The following NCKAP5 variants were observed in gnomAD, a reference collection of about 807,000 sequenced individuals.
The protein encoded by NCKAP5 is NCK associated protein 5.
In NCKAP5, 92 loss-of-function variants were observed where a neutral mutation model predicts 167.0. The ratio of observed to expected loss-of-function variants is 0.55; its 90% CI spans 0.47 to 0.66. The LOEUF (loss-of-function observed/expected upper bound fraction) is 0.66. Ranked by LOEUF, NCKAP5 falls within the 30% of genes least tolerant of loss-of-function variation. The pLI is 0.00. For synonymous variants in NCKAP5, 891 were observed against 877.4 expected, an observed-to-expected ratio of 1.02 and a Z score of -0.27; for missense variants, 2,378 against 2,315.0, an observed-to-expected ratio of 1.03 and a Z score of -0.56.
chr2:133,006,326 C>T (rs1007465022), intron 6 of NCKAP5, among the ~76,000 whole-genome samples: 2 of 152,084 alleles, frequency 1.3e-5, no homozygotes, highest in African/African-American at 2.4e-5. Flanking sequence ...TAATATGCAC[C>T]ATGCTTTTAA....
intron 4 of NCKAP5, among the ~76,000 whole-genome samples, chr2:133,255,825 A>C (rs2088588320): frequency 6.6e-6 from 1 of 152,232 alleles, no homozygotes; most frequent in Non-Finnish European, 1.5e-5. Flanking sequence ...CTAGGATCAG[A>C]ATGGGTATAC....
At chr2:133,553,110 GATAAA>G (rs1239831808) in intron 2 of NCKAP5, among the ~76,000 whole-genome samples, 2 of 152,032 alleles carry the variant, frequency 1.3e-5, no homozygotes, top group Non-Finnish European at 2.9e-5. Flanking sequence ...AAAACCAAAT[GATAAA>G]ATAAATAAAA....
chr2:133,513,609 T>C (rs1363588060), intron 3 of NCKAP5, among the ~76,000 whole-genome samples: 2 of 152,224 alleles, frequency 1.3e-5, no homozygotes, highest in Non-Finnish European at 2.9e-5. Context: ...TCTTGATTAC[T>C]ATAACGATTT....
At chr2:133,551,193 C>T (rs1333258045) in intron 2 of NCKAP5, among the ~76,000 whole-genome samples, 1 of 151,918 alleles carries the variant, frequency 6.6e-6, no homozygotes, top group Non-Finnish European at 1.5e-5. Context: ...GATTCAATGC[C>T]ATCCCCATCA....
intron 3 of NCKAP5, among the ~76,000 whole-genome samples, chr2:133,413,041 C>A (rs569580929): frequency 6.6e-6 from 1 of 152,276 alleles, no homozygotes; most frequent in South Asian, 2.1e-4. Flanking sequence ...TGGGCCAAAG[C>A]CTGCAGGTCT....
chr2:132,885,739 G>A (rs2148843000), intron 8 of NCKAP5, among the ~76,000 whole-genome samples: 1 of 152,308 alleles, frequency 6.6e-6, no homozygotes, highest in African/African-American at 2.4e-5. Context: ...ACGAATGATT[G>A]AAAAATCTGA....
At chr2:132,975,442 T>C (rs79172351) in intron 7 of NCKAP5, among the ~76,000 whole-genome samples, 4 of 152,174 alleles carry the variant, frequency 2.6e-5, no homozygotes, top group African/African-American at 9.7e-5. Context: ...CCTGTGGAGT[T>C]ACACTAATAA....
At chr2:132,805,587 G>A (rs1202074927) in intron 11 of NCKAP5, among the ~76,000 whole-genome samples, 1 of 149,818 alleles carries the variant, frequency 6.7e-6, no homozygotes, top group Admixed American at 6.7e-5. Context: ...TTGCTTTTTA[G>A]ATCACTACAT....
intron 5 of NCKAP5, among the ~76,000 whole-genome samples, chr2:133,189,125 T>A (rs1017689329): frequency 2.0e-5 from 3 of 151,860 alleles, no homozygotes; most frequent in African/African-American, 7.3e-5. Flanking sequence ...CCCACAGAAA[T>A]ACAAACTACC....
At chr2:132,772,983 C>T (rs16841075) in intron 16 of NCKAP5, among the ~76,000 whole-genome samples, 37,674 of 152,026 alleles carry the variant, frequency 0.25, 5,479 homozygotes, top group Non-Finnish European at 0.33. Flanking sequence ...TCTGTGGGGC[C>T]GTCATATACT....
At chr2:133,008,403 A>T (rs2078040445) in intron 6 of NCKAP5, among the ~76,000 whole-genome samples, 2 of 152,214 alleles carry the variant, frequency 1.3e-5, no homozygotes, top group South Asian at 4.1e-4. Flanking sequence ...GCTTTGAAAA[A>T]TACACTATCA....
intron 6 of NCKAP5, among the ~76,000 whole-genome samples, chr2:133,040,252 C>T (rs2079167866): frequency 6.6e-6 from 1 of 152,080 alleles, no homozygotes; most frequent in African/African-American, 2.4e-5. Flanking sequence ...ACTAGACTGT[C>T]TAGTTCTTGC....
intron 5 of NCKAP5, among the ~76,000 whole-genome samples, chr2:133,181,234 C>G (rs2084718329): frequency 6.6e-6 from 1 of 152,010 alleles, no homozygotes; most frequent in South Asian, 2.1e-4. Flanking sequence ...CTGTACTTTA[C>G]TTGAACTGGT....
chr2:133,674,625 A>T, the NCKAP5 span, among the ~76,000 whole-genome samples: 18 of 152,192 alleles, frequency 1.2e-4, no homozygotes, highest in African/African-American at 4.3e-4. Flanking sequence ...CTATACCAAC[A>T]TCAACATTCA....
intron 16 of NCKAP5, among the ~76,000 whole-genome samples, chr2:132,749,027 C>T (rs1679885951): frequency 6.6e-6 from 1 of 152,084 alleles, no homozygotes; most frequent in Non-Finnish European, 1.5e-5. Flanking sequence ...TACGGACTCC[C>T]AAAGTTGCTG....
At chr2:132,684,777 A>G (rs983932852) in intron 19 of NCKAP5, among the ~76,000 whole-genome samples, 1 of 152,178 alleles carries the variant, frequency 6.6e-6, no homozygotes. Context: ...GGCTGAGTCT[A>G]TAGATGGACG....
intron 3 of NCKAP5, among the ~76,000 whole-genome samples, chr2:133,333,218 T>C (rs898227957): frequency 3.3e-5 from 5 of 152,198 alleles, no homozygotes; most frequent in African/African-American, 1.2e-4. Context: ...TGGAAGTTAA[T>C]TCTTTTCAGA....
chr2:133,251,015 T>C (rs2088289925), intron 4 of NCKAP5, among the ~76,000 whole-genome samples: 1 of 151,868 alleles, frequency 6.6e-6, no homozygotes, highest in Non-Finnish European at 1.5e-5. Context: ...TGCCCCTCCA[T>C]ATCTCAAAGT....
chr2:133,597,857 C>A, the NCKAP5 span, among the ~76,000 whole-genome samples: 1 of 152,056 alleles, frequency 6.6e-6, no homozygotes, highest in Non-Finnish European at 1.5e-5. Flanking sequence ...CCCACCTCTC[C>A]TCCCAGCCTG....
Sources: gnomAD v4.1 joint callset for allele counts (sites outside exome capture counted in the v4.1 genomes callset) on GRCh38, gnomAD v4.1.1 for gene constraint, MANE v1.5 for transcripts, NCBI Gene and HGNC (gene_info 2026-07-23, HGNC 2026-07-21) for gene names.